Variants in TMCO1 observed in about 807,000 individuals in gnomAD.
The protein encoded by TMCO1 is transmembrane and coiled-coil domains 1, also known as calcium load-activated calcium channel.
In TMCO1, 29 loss-of-function variants were observed where a neutral mutation model predicts 29.3. The ratio of observed to expected loss-of-function variants is 0.99; its 90% CI spans 0.74 to 1.35. The LOEUF (loss-of-function observed/expected upper bound fraction) is 1.35. Ranked by LOEUF, TMCO1 falls within the 40% of genes most tolerant of loss-of-function variation. The pLI, the probability that TMCO1 is intolerant of heterozygous loss-of-function variation, is 0.00. For missense variants in TMCO1, 173 were observed against 225.5 expected, an observed-to-expected ratio of 0.77 and a Z score of 1.49; for synonymous variants, 80 against 77.1, an observed-to-expected ratio of 1.04 and a Z score of -0.20.
intron 2 of TMCO1, among the ~76,000 whole-genome samples, chr1:165,765,199 T>C (rs562955851): frequency 2.6e-5 from 4 of 152,258 alleles, no homozygotes; most frequent in Admixed American, 2.0e-4. Context: ...ATACAGTATA[T>C]TAGAAAGTAA....
chr1:165,759,413 T>C, intron 3 of TMCO1, 112 bp downstream of exon 3: 2 of 834,532 alleles, frequency 2.4e-6, no homozygotes, highest in East Asian at 2.7e-5. Context: ...TTATAAACCA[T>C]AAAATCATAG....
At chr1:165,747,885 G>A (rs758170791) in intron 5 of TMCO1, among the ~76,000 whole-genome samples, 4 of 152,132 alleles carry the variant, frequency 2.6e-5, no homozygotes, top group Non-Finnish European at 4.4e-5. Flanking sequence ...AAGGCAGGGC[G>A]TGGTGGCTCA....
intron 6 of TMCO1, among the ~76,000 whole-genome samples, chr1:165,739,972 C>T (rs1224893658): frequency 6.6e-6 from 1 of 151,606 alleles, no homozygotes; most frequent in Non-Finnish European, 1.5e-5. Flanking sequence ...GTTAGCCAGG[C>T]ATGGTGGTGG....
At chr1:165,748,893 G>T (rs1651898100) in intron 5 of TMCO1, among the ~76,000 whole-genome samples, 1 of 152,066 alleles carries the variant, frequency 6.6e-6, no homozygotes, top group South Asian at 2.1e-4. Flanking sequence ...TCTTTTTACT[G>T]TCTCCATAGT....
At chr1:165,768,876 C>T (rs1176744246), upstream of TMCO1, 5 of 1,557,710 alleles carry the variant, frequency 3.2e-6, no homozygotes, top group Non-Finnish European at 4.3e-6. Flanking sequence ...TCTGACAGCC[C>T]GAAGATCGCA....
Position 165,768,467 on chromosome 1 carries a change from C to G in TMCO1, c.71-198G>C, listed in dbSNP as rs2790053. ...GATGTGAAGGTGTCTCCACAAATACCCAAGTGAAATCTACCTGAGACCAAA... is the reference window on the plus strand; with the variant it reads ...GATGTGAAGGTGTCTCCACAAATACGCAAGTGAAATCTACCTGAGACCAAA... On this transcript the variant is annotated intron_variant, in intron 1 of 6. Transcript: ENST00000367881. 0.89 allele frequency: 1,362,391 copies of G among 1,539,134 alleles called. 603,801 individuals are homozygous for G. The highest frequency in any genetic ancestry group is 1 in the East Asian group (40,696 of 40,880).
chr1:165,753,777 T>C (rs538549359), intron 4 of TMCO1, among the ~76,000 whole-genome samples: 35 of 152,206 alleles, frequency 2.3e-4, no homozygotes, highest in African/African-American at 7.7e-4. Context: ...TGCTACTGCA[T>C]TCCAGCATGG....
chr1:165,732,378 C>T (rs1308767676), intron 6 of TMCO1, among the ~76,000 whole-genome samples: 1 of 45,766 alleles, frequency 2.2e-5, no homozygotes, highest in African/African-American at 8.2e-5. Flanking sequence ...AAAAAAATCA[C>T]ATAAAGAAGC....
chr1:165,751,533 G>A (rs758770885), intron 5 of TMCO1, among the ~76,000 whole-genome samples: 2 of 151,838 alleles, frequency 1.3e-5, no homozygotes, highest in Admixed American at 1.3e-4. Flanking sequence ...GCAAAACCCC[G>A]TCTCTACTAA....
At chr1:165,753,039 C>A (rs555002442) in intron 4 of TMCO1, among the ~76,000 whole-genome samples, 87 of 152,118 alleles carry the variant, frequency 5.7e-4, no homozygotes, top group Non-Finnish European at 1.1e-3. Context: ...ATTAATCAAG[C>A]TATATAATTA....
rs1330784511 is a variant in TMCO1 at position 165,768,856 on chromosome 1, A to C, written c.-105T>G. 2 of 1,575,380 alleles carry C rather than the reference A, an allele frequency of 1.3e-6. No individual in the cohort carries two copies. Among genetic ancestry groups the C allele is most frequent in the Non-Finnish European group, 1.7e-6 (2 of 1,159,696 alleles). Reference sequence around the variant, plus strand: ...CCGTAGACTCCGCCACCACCGAGTAACAGACCAACTCTGACAGCCCGAAGA... The same window carrying C: ...CCGTAGACTCCGCCACCACCGAGTACCAGACCAACTCTGACAGCCCGAAGA... On this transcript the variant is annotated 5_prime_UTR_variant, in exon 1 of 7. Coordinates refer to ENST00000367881, the MANE Select transcript of TMCO1 (RefSeq NM_019026.6).
At chr1:165,754,204 T>C (rs1321746650) in intron 4 of TMCO1, 24 bp downstream of exon 4, 2 of 1,593,056 alleles carry the variant, frequency 1.3e-6, no homozygotes, top group South Asian at 1.1e-5. Context: ...TGGTTAACCA[T>C]GAAGTTATAG....
chr1:165,764,729 G>A (rs1652510696), intron 2 of TMCO1, among the ~76,000 whole-genome samples: 1 of 152,156 alleles, frequency 6.6e-6, no homozygotes, highest in Non-Finnish European at 1.5e-5. Flanking sequence ...GACCTTACAG[G>A]CCACATGTTT....
At chr1:165,748,748 A>G (rs1365912623) in intron 5 of TMCO1, among the ~76,000 whole-genome samples, 2 of 152,152 alleles carry the variant, frequency 1.3e-5, no homozygotes, top group Non-Finnish European at 2.9e-5. Flanking sequence ...TGTACATTCT[A>G]TGGGTTTGGA....
Position 165,752,140 on chromosome 1 carries a change from G to C in TMCO1, c.285C>G (p.Gly95=). The part of the protein sequence containing the change: ...MVRMKSMFAI[G]FCFTALMGMF... ...TTCCCATTAGGGCAGTAAAACAAAA[G>C]CCAATAGCAAACATGGATTTCATTC... The change falls in exon 5 of 7, where the codon GGC becomes GGG. Residue 95 remains glycine (G), a synonymous_variant. Transcript: ENST00000367881. 1 of 1,612,150 alleles carries C rather than the reference G, an allele frequency of 6.2e-7. No homozygotes were observed. The highest frequency in any genetic ancestry group is 8.5e-7 in the Non-Finnish European group (1 of 1,179,220).
chr1:165,751,069 GAAC>G (rs1203319717), intron 5 of TMCO1, among the ~76,000 whole-genome samples: 2 of 151,974 alleles, frequency 1.3e-5, no homozygotes, highest in African/African-American at 4.8e-5. Context: ...ACTCTGTCCC[GAAC>G]AACAACAACA....
At chr1:165,757,479 A>C (rs1652234283) in intron 3 of TMCO1, among the ~76,000 whole-genome samples, 1 of 152,202 alleles carries the variant, frequency 6.6e-6, no homozygotes, top group Non-Finnish European at 1.5e-5. Context: ...TAAGATTTTG[A>C]TAAGCAACTC....
rs1398266846 is a variant in TMCO1 at position 165,728,112 on chromosome 1, T to G, written c.478A>C (p.Lys160Gln). The G allele has an allele frequency of 6.2e-7, 1 of 1,607,322 alleles. No homozygotes were observed. Among genetic ancestry groups the G allele is most frequent in the East Asian group, 2.3e-5 (1 of 44,380 alleles). Residue 160 changes from lysine (K) to glutamine (Q), a missense_variant, in exon 7 of 7, where the codon AAG becomes CAG. By Grantham distance (53) the Lys-to-Gln change is moderately conservative. Coordinates refer to ENST00000367881, the MANE Select transcript of TMCO1 (RefSeq NM_019026.6). ...CGTGAAGGGGCAAGGCCGAGAATCT[T>G]CTGAATGTTCTGTGAAGAAAGCACA... ...CTMSIRQNIQ[K>Q]ILGLAPSRAA... is the part of the protein sequence containing the mutation.
chr1:165,749,561 G>C (rs1305398032), intron 5 of TMCO1, among the ~76,000 whole-genome samples: 1 of 152,240 alleles, frequency 6.6e-6, no homozygotes, highest in East Asian at 1.9e-4. Flanking sequence ...CACTCTGGGA[G>C]GCCAGAGGTA....
Sources: gnomAD v4.1 joint callset for allele counts (sites outside exome capture counted in the v4.1 genomes callset) on GRCh38, gnomAD v4.1.1 for gene constraint, MANE v1.5 for transcripts, NCBI Gene and HGNC (gene_info 2026-07-23, HGNC 2026-07-21) for gene names.